Variants in MIA3 observed in about 807,000 individuals in gnomAD.
MIA3 encodes transport and Golgi organization protein 1 homolog.
A neutral mutation model predicts 192.4 loss-of-function variants in MIA3; 90 were observed. That is an observed-to-expected ratio of 0.47 (90% CI 0.39 to 0.56). The LOEUF is 0.56. Ranked by LOEUF, MIA3 falls within the 20% of genes least tolerant of loss-of-function variation. The pLI is 0.00. For missense variants in MIA3, 2,123 were observed against 2,269.4 expected (o/e 0.94, Z 1.31); for synonymous variants, 740 against 792.8 (o/e 0.93, Z 1.12).
chr1:222,661,599 C>T (rs1664015720), intron 24 of MIA3: 1 of 158,758 alleles, frequency 6.3e-6, no homozygotes, highest in Non-Finnish European at 1.4e-5. Context: ...CACCTAACCC[C>T]TGCATTGTTC....
At chr1:222,634,661 G>A (rs918705440) in intron 6 of MIA3, among the ~76,000 whole-genome samples, 1 of 152,182 alleles carries the variant, frequency 6.6e-6, no homozygotes, top group Admixed American at 6.5e-5. Context: ...GACTAAGCAA[G>A]CTCTTGAAGT....
intron 4 of MIA3, among the ~76,000 whole-genome samples, chr1:222,631,881 A>T (rs1352875585): frequency 1.3e-5 from 2 of 152,140 alleles, no homozygotes; most frequent in African/African-American, 4.8e-5. Flanking sequence ...TTGCACATTT[A>T]TTTGTGTGGG....
chr1:222,654,313 A>G lies in MIA3; in HGVS notation c.4377+15A>G. On this transcript the variant is annotated intron_variant, in intron 16 of 27. Coordinates refer to ENST00000344922, the MANE Select transcript of MIA3 (RefSeq NM_198551.4). ...ATGTCTCTCGGGTATAATCGTTTTT[A>G]GAGTCCCATAATTGCCTGTGAATAC... The G allele has an allele frequency of 6.2e-7, 1 of 1,613,736 alleles. No individual in the cohort carries two copies. Among genetic ancestry groups the G allele is most frequent in the South Asian group, 1.1e-5 (1 of 91,056 alleles).
In MIA3 at chr1:222,630,233, G is replaced by GGAATGAAC. The variant is rs777088603; in HGVS notation, c.3017_3024dup (p.Asn1009Ter). ...TCGTGTGGCTGAAAATAGAGATCTG[G>GGAATGAAC]GAATGAACGAAAATAACATATTTGA... On this transcript the variant is annotated frameshift_variant, in exon 4 of 28. Coordinates refer to ENST00000344922, the MANE Select transcript of MIA3 (RefSeq NM_198551.4). LOFTEE classifies it high-confidence loss of function. 1 of 1,614,152 alleles carries GGAATGAAC rather than the reference G, an allele frequency of 6.2e-7. No homozygotes were observed. Among genetic ancestry groups the GGAATGAAC allele is most frequent in the Non-Finnish European group, 8.5e-7 (1 of 1,180,026 alleles).
At chr1:222,631,893 G>A (rs1662412553) in intron 4 of MIA3, among the ~76,000 whole-genome samples, 1 of 152,210 alleles carries the variant, frequency 6.6e-6, no homozygotes, top group Admixed American at 6.5e-5. Flanking sequence ...TTGTGTGGGT[G>A]TAGGCTGATT....
chr1:222,635,742 A>G (rs1662595368), intron 6 of MIA3, among the ~76,000 whole-genome samples: 1 of 152,202 alleles, frequency 6.6e-6, no homozygotes, highest in African/African-American at 2.4e-5. Flanking sequence ...ATGAATAGTT[A>G]GTGGAATCTT....
At chr1:222,640,204 G>A (rs759981139) in intron 6 of MIA3, among the ~76,000 whole-genome samples, 14 of 152,058 alleles carry the variant, frequency 9.2e-5, no homozygotes, top group Non-Finnish European at 1.8e-4. Context: ...CTAAATAGAT[G>A]GAGAGATAGA....
intron 6 of MIA3, among the ~76,000 whole-genome samples, chr1:222,637,952 G>A (rs778681689): frequency 5.3e-5 from 8 of 152,052 alleles, no homozygotes; most frequent in Non-Finnish European, 7.4e-5. Flanking sequence ...TAAGTGTTGG[G>A]ATTACAGACA....
At chr1:222,660,549 G>A (rs1185069877) in intron 24 of MIA3, 4 of 324,366 alleles carry the variant, frequency 1.2e-5, no homozygotes, top group Non-Finnish European at 2.2e-5. Context: ...TTACTCTGAA[G>A]TGTAAGCCCT....
chr1:222,622,644 A>G (rs1661924890), intron 2 of MIA3, among the ~76,000 whole-genome samples: 1 of 152,198 alleles, frequency 6.6e-6, no homozygotes, highest in African/African-American at 2.4e-5. Context: ...TATTTCCTTC[A>G]AGTCTACCTA....
Position 222,652,371 on chromosome 1 carries a change from G to C in MIA3, c.4086+39G>C. On this transcript the variant is annotated intron_variant, in intron 13 of 27. Coordinates refer to ENST00000344922, the MANE Select transcript of MIA3 (RefSeq NM_198551.4). ...CGTGTCCCAGGTCATGTAAAATAGA[G>C]AACTCAGTATCATACCTCATGAATG... The C allele has an allele frequency of 3.0e-6, 4 of 1,330,396 alleles. 1 individual carries two copies. The highest frequency in any genetic ancestry group is 4.3e-6 in the Non-Finnish European group (4 of 922,614). 82.4% of individuals were successfully genotyped at this position (1,330,396 alleles called of 1,614,324 possible). A position where few individuals can be genotyped will look rare whatever the true frequency, so the allele number is the denominator to read the frequency against.
chr1:222,633,196 T>C lies in MIA3; in HGVS notation c.3424T>C (p.Leu1142=). The change falls in exon 6 of 28, where the codon TTG becomes CTG. Residue 1142 remains leucine (L), a synonymous_variant. Transcript: ENST00000344922. ...AAEEPASVTP[L]ENAILLIYSF... ...CGAAGAGCCGGCAAGTGTCACACCT[T>C]TGGAAAACGCAATCCTTCTAATATA... The C allele has an allele frequency of 6.2e-7, 1 of 1,613,964 alleles. No homozygotes were observed. The highest frequency in any genetic ancestry group is 8.5e-7 in the Non-Finnish European group (1 of 1,179,926).
At position 222,628,839 on chromosome 1, in the gene MIA3, T is replaced by G. The variant is rs569790380; in HGVS notation, c.1619T>G (p.Leu540Arg). ...GAAIHISKGM[L>R]HEEKPGEQIL... ...GCTATTCATATCTCAAAAGGAATGC[T>G]CCACGAAGAAAAGCCTGGAGAGCAG... Residue 540 changes from leucine (L) to arginine (R), a missense_variant, in exon 4 of 28, where the codon CTC becomes CGC. Transcript: ENST00000344922. 30 of 1,614,090 alleles carry G rather than the reference T, an allele frequency of 1.9e-5. No individual in the cohort carries two copies. In the South Asian group the frequency reaches 3.1e-4, roughly 17 times the overall value.
intron 1 of MIA3, among the ~76,000 whole-genome samples, chr1:222,618,483 C>G (rs1383581558): frequency 1.3e-5 from 2 of 152,206 alleles, no homozygotes; most frequent in Non-Finnish European, 2.9e-5. Flanking sequence ...ACCATGGGGG[C>G]TGCACCTCCC....
chr1:222,662,434 T>C, intron 26 of MIA3, 102 bp downstream of exon 26: 5 of 1,569,196 alleles, frequency 3.2e-6, no homozygotes, highest in Non-Finnish European at 3.5e-6. Context: ...CTATCTGTAC[T>C]ATCTCATTTA....
At chr1:222,640,721 C>G (rs1257701382) in intron 6 of MIA3, among the ~76,000 whole-genome samples, 1 of 152,002 alleles carries the variant, frequency 6.6e-6, no homozygotes, top group Non-Finnish European at 1.5e-5. Context: ...CAGTTGACAT[C>G]AAAAGTATGA....
intron 2 of MIA3, among the ~76,000 whole-genome samples, chr1:222,621,551 A>G (rs1408409641): frequency 6.6e-6 from 1 of 152,216 alleles, no homozygotes; most frequent in Non-Finnish European, 1.5e-5. Flanking sequence ...CATACGTATT[A>G]GAGGTTGAAA....
intron 27 of MIA3, 22 bp downstream of exon 27, chr1:222,664,170 T>C (rs1196342342): frequency 1.2e-6 from 2 of 1,612,776 alleles, no homozygotes; most frequent in African/African-American, 2.7e-5. Context: ...TGAACAGTAG[T>C]AATTGACTTG....
intron 6 of MIA3, among the ~76,000 whole-genome samples, chr1:222,638,990 T>A (rs1169544072): frequency 3.3e-5 from 5 of 152,234 alleles, no homozygotes; most frequent in Non-Finnish European, 7.4e-5. Flanking sequence ...TCTTTGAGAT[T>A]AATAAAACTG....
Sources: gnomAD v4.1 joint callset for allele counts (sites outside exome capture counted in the v4.1 genomes callset) on GRCh38, gnomAD v4.1.1 for gene constraint, MANE v1.5 for transcripts, NCBI Gene and HGNC (gene_info 2026-07-23, HGNC 2026-07-21) for gene names.